RORB: variants seen among roughly 807,000 people sequenced by gnomAD.
RORB encodes the protein RAR related orphan receptor B.
In RORB, 6 loss-of-function variants were observed where a neutral mutation model predicts 59.1. That is an observed-to-expected ratio of 0.10 (90% confidence interval 0.06 to 0.20). The LOEUF (loss-of-function observed/expected upper bound fraction) is 0.20. RORB is among the 10% of genes least tolerant of loss of function. The probability of loss-of-function intolerance (pLI) is 1.00; values close to 1 mark genes in which losing one functional copy is unlikely to be tolerated. For synonymous variants in RORB, 215 were observed against 204.5 expected, an observed-to-expected ratio of 1.05 and a Z score of -0.44; for missense variants, 320 against 560.5, an observed-to-expected ratio of 0.57 and a Z score of 4.33.
At chr9:74,597,280 T>G (rs2118307664) in intron 1 of RORB, among the ~76,000 whole-genome samples, 1 of 152,322 alleles carries the variant, frequency 6.6e-6, no homozygotes, top group Non-Finnish European at 1.5e-5. Context: ...CAGTCAAAAC[T>G]CATTTGTTGA....
At chr9:74,626,300 G>A (rs1823514918) in intron 1 of RORB, among the ~76,000 whole-genome samples, 1 of 152,026 alleles carries the variant, frequency 6.6e-6, no homozygotes, top group African/African-American at 2.4e-5. Context: ...AAGTAAAGCA[G>A]CAAATTATTT....
intron 1 of RORB, among the ~76,000 whole-genome samples, chr9:74,618,313 T>TAAAC (rs67714210): frequency 2.1e-4 from 2 of 9,708 alleles, no homozygotes; most frequent in Non-Finnish European, 1.1e-3. Context: ...ATGAACCAGT[T>TAAAC]AAAGTTACTA....
intron 1 of RORB, among the ~76,000 whole-genome samples, chr9:74,572,439 C>T (rs192003311): frequency 6.6e-6 from 1 of 152,268 alleles, no homozygotes; most frequent in East Asian, 1.9e-4. Flanking sequence ...GCACTGCATG[C>T]AAGCTATTTT....
At chr9:74,663,899 A>G (rs1217538719) in intron 6 of RORB, among the ~76,000 whole-genome samples, 2 of 152,160 alleles carry the variant, frequency 1.3e-5, no homozygotes, top group African/African-American at 4.8e-5. Context: ...CAAGAGAACA[A>G]GGCAGAAATG....
At chr9:74,634,893 C>A (rs1823676733) in intron 3 of RORB, 121 bp downstream of exon 3, 1 of 884,534 alleles carries the variant, frequency 1.1e-6, no homozygotes, top group Non-Finnish European at 1.7e-6. Flanking sequence ...AAAAGAAAAT[C>A]ACTGTGCTGC....
intron 4 of RORB, among the ~76,000 whole-genome samples, chr9:74,656,091 T>C (rs956831323): frequency 2.0e-5 from 3 of 152,206 alleles, no homozygotes; most frequent in African/African-American, 7.2e-5. Flanking sequence ...GGCTTTAAGA[T>C]CATCAAACAA....
chr9:74,669,364 AGC>A (rs1474163641), intron 8 of RORB, among the ~76,000 whole-genome samples: 1 of 152,024 alleles, frequency 6.6e-6, no homozygotes, highest in Non-Finnish European at 1.5e-5. Flanking sequence ...CTGTAATTCC[AGC>A]TCCTTGGGAA....
At chr9:74,510,155 A>G (rs1029478254) in intron 1 of RORB, among the ~76,000 whole-genome samples, 11 of 152,098 alleles carry the variant, frequency 7.2e-5, no homozygotes, top group African/African-American at 1.9e-4. Context: ...CAGGACTCCA[A>G]TTGATCGTAT....
intron 1 of RORB, among the ~76,000 whole-genome samples, chr9:74,570,636 A>G (rs1461420746): frequency 2.0e-5 from 3 of 152,136 alleles, no homozygotes; most frequent in Admixed American, 6.5e-5. Context: ...AGAGTATTCT[A>G]TTCCTTCTAG....
intron 1 of RORB, among the ~76,000 whole-genome samples, chr9:74,624,040 A>G (rs955511547): frequency 4.6e-5 from 7 of 152,214 alleles, no homozygotes; most frequent in Non-Finnish European, 8.8e-5. Context: ...CAAACACTTC[A>G]GGGGTAAATG....
chr9:74,635,158 G>T (rs1487455455), intron 3 of RORB, among the ~76,000 whole-genome samples: 1 of 152,104 alleles, frequency 6.6e-6, no homozygotes, highest in Non-Finnish European at 1.5e-5. Context: ...ATGTTCACTG[G>T]GCAGGTCTGA....
At chr9:74,543,335 C>CT (rs1416139175) in intron 1 of RORB, among the ~76,000 whole-genome samples, 2 of 152,206 alleles carry the variant, frequency 1.3e-5, no homozygotes, top group African/African-American at 4.8e-5. Flanking sequence ...TGGAACACCC[C>CT]TTTGAGGAGG....
intron 1 of RORB, among the ~76,000 whole-genome samples, chr9:74,619,689 A>T (rs1823376995): frequency 6.6e-6 from 1 of 152,088 alleles, no homozygotes; most frequent in Non-Finnish European, 1.5e-5. Context: ...TGACCTCATG[A>T]TCTGCCCACC....
chr9:74,587,777 A>G (rs950619006), intron 1 of RORB, among the ~76,000 whole-genome samples: 2 of 152,216 alleles, frequency 1.3e-5, no homozygotes, highest in African/African-American at 2.4e-5. Flanking sequence ...ATGTGTGCAC[A>G]CATGTCAATC....
chr9:74,626,885 C>T (rs1020947890), intron 1 of RORB, among the ~76,000 whole-genome samples: 5 of 152,090 alleles, frequency 3.3e-5, no homozygotes, highest in Non-Finnish European at 5.9e-5. Flanking sequence ...TAGTATAGAC[C>T]GGGCATGGTG....
At chr9:74,515,179 C>T (rs892039092) in intron 1 of RORB, among the ~76,000 whole-genome samples, 2 of 151,158 alleles carry the variant, frequency 1.3e-5, no homozygotes, top group East Asian at 1.9e-4. Flanking sequence ...ATAGCACTTA[C>T]GTGTCATGTT....
chr9:74,602,508 G>A (rs7034206), intron 1 of RORB, among the ~76,000 whole-genome samples: 69,938 of 152,032 alleles, frequency 0.46, 16,550 homozygotes, highest in East Asian at 0.77. Context: ...GTTTGATTCC[G>A]AAGCCCTAAT....
chr9:74,642,669 C>T lies in RORB; in HGVS notation c.491C>T (p.Ser164Phe). 6.2e-7 allele frequency: 1 copy of T among 1,614,194 alleles called. No individual in the cohort carries two copies. Among genetic ancestry groups the T allele is most frequent in the South Asian group, 1.1e-5 (1 of 91,084 alleles). ...GYYNVDSGQPSPDQSGLDMTG... is the reference protein window; with the variant it reads ...GYYNVDSGQPFPDQSGLDMTG... ...TACAACGTCGATTCCGGTCAGCCGTCCCCTGATCAGTCAGGACTTGACATG... is the reference window on the plus strand; with the variant it reads ...TACAACGTCGATTCCGGTCAGCCGTTCCCTGATCAGTCAGGACTTGACATG... The change falls in exon 4 of 10, where the codon TCC becomes TTC. Residue 164 changes from serine (S) to phenylalanine (F), a missense_variant. By Grantham distance (155) the Ser-to-Phe change is radical. Around this residue, in one of 4 missense-constraint regions of RORB, gnomAD observed 134 missense variants for 156.2 expected, o/e 0.86. Transcript: ENST00000376896.
chr9:74,623,371 A>T (rs1157798763), intron 1 of RORB, among the ~76,000 whole-genome samples: 2 of 152,154 alleles, frequency 1.3e-5, no homozygotes, highest in Non-Finnish European at 2.9e-5. Context: ...ACAGTAACGC[A>T]AGATATTTCT....
Sources: gnomAD v4.1 joint callset for allele counts (sites outside exome capture counted in the v4.1 genomes callset) on GRCh38, gnomAD v4.1.1 for gene constraint, gnomAD v4.1.1 regional missense constraint, MANE v1.5 for transcripts, NCBI Gene and HGNC (gene_info 2026-07-23, HGNC 2026-07-21) for gene names.